Variants in BMPR1A observed in about 807,000 individuals in gnomAD.
BMPR1A encodes bone morphogenetic protein receptor type-1A.
In BMPR1A, 7 loss-of-function variants were observed where a neutral mutation model predicts 66.0. The observed-to-expected ratio is 0.11, with a 90% CI of 0.06 to 0.20. The LOEUF is 0.20. Ranked by LOEUF, BMPR1A falls within the 10% of genes least tolerant of loss-of-function variation. The pLI is 1.00. For missense variants in BMPR1A, 408 were observed against 669.1 expected (o/e 0.61, Z 4.31); for synonymous variants, 200 against 229.7 (o/e 0.87, Z 1.17).
At chr10:86,907,140 C>G (rs982548145) in intron 7 of BMPR1A, among the ~76,000 whole-genome samples, 3 of 152,374 alleles carry the variant, frequency 2.0e-5, no homozygotes, top group South Asian at 4.1e-4. Flanking sequence ...CTCCTGACAG[C>G]TTCAGCACAA....
intron 3 of BMPR1A, among the ~76,000 whole-genome samples, chr10:86,881,162 G>A (rs75038196): frequency 0.091 from 13,843 of 152,162 alleles, 715 homozygotes; most frequent in Middle Eastern, 0.14. Flanking sequence ...AATCACTTGA[G>A]CCCGGGAGCT....
At chr10:86,840,881 G>A (rs1276568323) in intron 2 of BMPR1A, among the ~76,000 whole-genome samples, 1 of 152,024 alleles carries the variant, frequency 6.6e-6, no homozygotes, top group Admixed American at 6.6e-5. Context: ...CTCTCTTTCC[G>A]AATCCCCCTT....
intron 5 of BMPR1A, among the ~76,000 whole-genome samples, chr10:86,895,243 T>G (rs1843210071): frequency 6.6e-6 from 1 of 152,180 alleles, no homozygotes; most frequent in Non-Finnish European, 1.5e-5. Context: ...CTTTAAACAA[T>G]TATGGGCTGA....
In BMPR1A at chr10:86,853,633, G is replaced by A. The variant is rs533472885; in HGVS notation, c.-153+14654G>A. On this transcript the variant is annotated intron_variant, in intron 2 of 12. Coordinates refer to ENST00000372037, the MANE Select transcript of BMPR1A (RefSeq NM_004329.3). ...CTGGTTAGAGAAATAAAGGGACAGA[G>A]TACAAAAGAGAGAAATTTTAAAGCT... Among the ~76,000 whole-genome samples, 259 of 152,268 alleles carry A rather than the reference G, an allele frequency of 1.7e-3. 1 individual carries two copies. The highest frequency in any genetic ancestry group is 5.7e-3 in the African/African-American group (237 of 41,564).
At chr10:86,915,026 T>C (rs1473879116) in intron 8 of BMPR1A, among the ~76,000 whole-genome samples, 1 of 152,148 alleles carries the variant, frequency 6.6e-6, no homozygotes, top group Admixed American at 6.5e-5. Flanking sequence ...TACTCATCAG[T>C]AAAAAGGAAC....
intron 1 of BMPR1A, among the ~76,000 whole-genome samples, chr10:86,827,929 G>GCGCC (rs1285392700): frequency 6.6e-6 from 1 of 152,152 alleles, no homozygotes; most frequent in Admixed American, 6.5e-5. Flanking sequence ...CAAAGAGGGC[G>GCGCC]GATCACAAGA....
At chr10:86,773,886 C>T (rs1841305446) in intron 1 of BMPR1A, among the ~76,000 whole-genome samples, 1 of 145,440 alleles carries the variant, frequency 6.9e-6, no homozygotes, top group Admixed American at 7.0e-5. Flanking sequence ...GAGTCTTACT[C>T]TGTCGCCAGG....
intron 3 of BMPR1A, among the ~76,000 whole-genome samples, chr10:86,876,567 A>C (rs929053248): frequency 6.6e-6 from 1 of 152,124 alleles, no homozygotes; most frequent in Admixed American, 6.5e-5. Flanking sequence ...GCGGATCATG[A>C]GGTCAGGAGT....
intron 1 of BMPR1A, among the ~76,000 whole-genome samples, chr10:86,816,835 C>A (rs1334210478): frequency 6.6e-6 from 1 of 152,138 alleles, no homozygotes; most frequent in African/African-American, 2.4e-5. Context: ...GTTGACGAAC[C>A]ACTCTTTATG....
At chr10:86,769,816 C>T (rs182174847) in intron 1 of BMPR1A, among the ~76,000 whole-genome samples, 11 of 152,308 alleles carry the variant, frequency 7.2e-5, no homozygotes, top group Admixed American at 5.2e-4. Context: ...GTATTAATTA[C>T]GCAGCAGGCT....
intron 1 of BMPR1A, among the ~76,000 whole-genome samples, chr10:86,789,968 A>G (rs932687603): frequency 6.7e-6 from 1 of 150,294 alleles, no homozygotes; most frequent in East Asian, 1.9e-4. Context: ...CATCCTGGCT[A>G]ACACAGCGAA....
intron 1 of BMPR1A, among the ~76,000 whole-genome samples, chr10:86,772,495 G>T (rs7096673): frequency 1.3e-5 from 2 of 151,888 alleles, no homozygotes; most frequent in African/African-American, 2.4e-5. Context: ...CCTTGGGTAG[G>T]TGCTTGCATA....
chr10:86,861,117 A>G (rs1842707062), intron 2 of BMPR1A, among the ~76,000 whole-genome samples: 1 of 152,168 alleles, frequency 6.6e-6, no homozygotes, highest in South Asian at 2.1e-4. Flanking sequence ...CTGGGATTAC[A>G]GGCGTGAGCC....
At chr10:86,897,224 A>G (rs1056153396) in intron 5 of BMPR1A, among the ~76,000 whole-genome samples, 30 of 152,216 alleles carry the variant, frequency 2.0e-4, no homozygotes, top group African/African-American at 7.2e-4. Flanking sequence ...AGTGCCAAGT[A>G]AATTTGTTTC....
chr10:86,774,509 T>C (rs986379794), intron 1 of BMPR1A, among the ~76,000 whole-genome samples: 7 of 152,114 alleles, frequency 4.6e-5, no homozygotes, highest in African/African-American at 1.7e-4. Flanking sequence ...TATAAGACTT[T>C]AAAAAGAATT....
At chr10:86,847,497 T>C (rs4934274) in intron 2 of BMPR1A, among the ~76,000 whole-genome samples, 19,408 of 151,948 alleles carry the variant, frequency 0.13, 1,569 homozygotes, top group African/African-American at 0.22. Flanking sequence ...TCATTGCCCC[T>C]TTTGTTTTTC....
intron 5 of BMPR1A, among the ~76,000 whole-genome samples, chr10:86,898,839 C>G (rs998298253): frequency 6.6e-6 from 1 of 152,108 alleles, no homozygotes; most frequent in African/African-American, 2.4e-5. Flanking sequence ...TTCAGACTCT[C>G]CAGTTTAACC....
chr10:86,797,231 A>ATTTTTTTTTTTT (rs1236270338), intron 1 of BMPR1A, among the ~76,000 whole-genome samples: 1 of 83,790 alleles, frequency 1.2e-5, no homozygotes, highest in Non-Finnish European at 2.6e-5. Flanking sequence ...AGCCCGGCTA[A>ATTTTTTTTTTTT]TTTTTTTTTT....
intron 3 of BMPR1A, 22 bp from the exon 4 acceptor site, chr10:86,890,040 C>T (rs1205256288): frequency 6.2e-7 from 1 of 1,611,650 alleles, no homozygotes; most frequent in Admixed American, 1.7e-5. Context: ...GATTTACTTA[C>T]AAATTCCATA....
Sources: gnomAD v4.1 joint callset for allele counts (sites outside exome capture counted in the v4.1 genomes callset) on GRCh38, gnomAD v4.1.1 for gene constraint, MANE v1.5 for transcripts, NCBI Gene and HGNC (gene_info 2026-07-23, HGNC 2026-07-21) for gene names.